The following UMAD1 variants were observed in gnomAD, a reference collection of about 807,000 sequenced individuals.
UMAD1 encodes UBAP1-MVB12-associated (UMA)-domain containing protein 1.
A neutral mutation model predicts 6.1 loss-of-function variants in UMAD1; 8 were observed. The ratio of observed to expected loss-of-function variants is 1.30; its 90% CI spans 0.76 to 2.35. UMAD1 has a LOEUF of 2.35. UMAD1 is among the 30% of genes most tolerant of loss of function. The pLI, the probability that UMAD1 is intolerant of heterozygous loss-of-function variation, is 0.00. For missense variants in UMAD1, 130 were observed against 78.4 expected (o/e 1.66, Z -2.49); for synonymous variants, 56 against 31.4 (o/e 1.78, Z -2.61).
chr7:7,656,388 A>G (rs1186095513), intron 1 of UMAD1, among the ~76,000 whole-genome samples: 3 of 150,228 alleles, frequency 2.0e-5, no homozygotes, highest in Non-Finnish European at 4.5e-5. Context: ...TCATAGGTAT[A>G]CACGTGCCAT....
At chr7:7,678,546 TA>T (rs549250265) in intron 2 of UMAD1, among the ~76,000 whole-genome samples, 214 of 138,804 alleles carry the variant, frequency 1.5e-3, no homozygotes, top group African/African-American at 5.5e-3. Flanking sequence ...AATTTATAGA[TA>T]AATATATATT....
chr7:7,694,146 T>C (rs1411900837), intron 2 of UMAD1, among the ~76,000 whole-genome samples: 1 of 152,152 alleles, frequency 6.6e-6, no homozygotes, highest in East Asian at 1.9e-4. Context: ...ATTTGAGCAT[T>C]CCAAAGAAGG....
Position 7,869,408 on chromosome 7 carries a change from T to G in UMAD1, c.157-7873T>G, listed in dbSNP as rs370483975. The stretch of plus-strand genomic sequence containing the variant: ...AGAGCTTGATATTACCTCTTCTTTT[T>G]GTAACTTGTTTTCTAGAAATATGCT... On this transcript the variant is annotated intron_variant, in intron 3 of 3. Coordinates refer to ENST00000682710, the MANE Select transcript of UMAD1 (RefSeq NM_001302348.2). Among the ~76,000 whole-genome samples, 15 of 152,356 alleles carry G rather than the reference T, an allele frequency of 9.8e-5. No homozygotes were observed. The East Asian group carries it at 2.1e-3, about 22-fold the overall frequency.
At position 7,783,715 on chromosome 7, in the gene UMAD1, G is replaced by A. The variant is rs541784520; in HGVS notation, c.83-17955G>A. Reference sequence around the variant, plus strand: ...GTCCTTAAAAGAAAGTAGAAACAAAGCACCAAAGCCAGAAACAATTACACC... The same window carrying A: ...GTCCTTAAAAGAAAGTAGAAACAAAACACCAAAGCCAGAAACAATTACACC... On this transcript the variant is annotated intron_variant, in intron 2 of 3. Coordinates refer to ENST00000682710, the MANE Select transcript of UMAD1 (RefSeq NM_001302348.2). Among the ~76,000 whole-genome samples, 6 of 152,224 alleles carry A rather than the reference G, an allele frequency of 3.9e-5. No homozygotes were observed. In the South Asian group the frequency reaches 1.2e-3, roughly 32 times the overall value.
chr7:7,816,771 T>C (rs559839964), intron 3 of UMAD1, among the ~76,000 whole-genome samples: 4 of 152,226 alleles, frequency 2.6e-5, no homozygotes, highest in Non-Finnish European at 5.9e-5. Flanking sequence ...GCTACCTTGC[T>C]TATCTGTCCT....
intron 2 of UMAD1, among the ~76,000 whole-genome samples, chr7:7,713,406 T>G (rs539909750): frequency 6.6e-6 from 1 of 152,086 alleles, no homozygotes; most frequent in African/African-American, 2.4e-5. Flanking sequence ...GAGTTTTTTT[T>G]TTTTTTAAAT....
intron 2 of UMAD1, among the ~76,000 whole-genome samples, chr7:7,732,197 C>T (rs1253416520): frequency 2.6e-5 from 4 of 151,964 alleles, no homozygotes; most frequent in Non-Finnish European, 5.9e-5. Context: ...TATTAGCCAA[C>T]TGATATGTTT....
At chr7:7,826,376 A>C (rs1003380041) in intron 3 of UMAD1, among the ~76,000 whole-genome samples, 2 of 152,140 alleles carry the variant, frequency 1.3e-5, no homozygotes, top group African/African-American at 2.4e-5. Flanking sequence ...TCTAGTATCT[A>C]GTACTAAGTC....
intron 2 of UMAD1, among the ~76,000 whole-genome samples, chr7:7,699,103 C>T (rs985660110): frequency 6.6e-6 from 1 of 151,688 alleles, no homozygotes; most frequent in African/African-American, 2.4e-5. Flanking sequence ...TCTTTGCCTG[C>T]CTTGGCTTCC....
intron 1 of UMAD1, among the ~76,000 whole-genome samples, chr7:7,648,806 T>C (rs1260012128): frequency 6.6e-6 from 1 of 151,378 alleles, no homozygotes; most frequent in East Asian, 1.9e-4. Context: ...TGAGCTAAGA[T>C]CGTGTCACTG....
chr7:7,647,000 C>T (rs1785111964), intron 1 of UMAD1, among the ~76,000 whole-genome samples: 1 of 152,154 alleles, frequency 6.6e-6, no homozygotes, highest in East Asian at 1.9e-4. Flanking sequence ...CCTTCTGCCG[C>T]TTGTCCGTAT....
intron 1 of UMAD1, among the ~76,000 whole-genome samples, chr7:7,658,651 T>C (rs1025818930): frequency 6.6e-6 from 1 of 152,160 alleles, no homozygotes; most frequent in Non-Finnish European, 1.5e-5. Context: ...TTGCATCCCA[T>C]TGATGAAGCT....
intron 3 of UMAD1, among the ~76,000 whole-genome samples, chr7:7,813,726 G>T (rs1341629771): frequency 6.6e-6 from 1 of 152,108 alleles, no homozygotes; most frequent in Admixed American, 6.5e-5. Flanking sequence ...CTGTTTATTT[G>T]TTCATCGAGA....
At chr7:7,774,744 C>G (rs1782167760) in intron 2 of UMAD1, among the ~76,000 whole-genome samples, 1 of 152,168 alleles carries the variant, frequency 6.6e-6, no homozygotes, top group South Asian at 2.1e-4. Flanking sequence ...AATTTCAACT[C>G]TTGTCATCCT....
chr7:7,712,537 T>G (rs1786788962), intron 2 of UMAD1, among the ~76,000 whole-genome samples: 1 of 152,214 alleles, frequency 6.6e-6, no homozygotes, highest in Non-Finnish European at 1.5e-5. Flanking sequence ...CTGATACTTG[T>G]AGCAACCATC....
intron 1 of UMAD1, among the ~76,000 whole-genome samples, chr7:7,659,723 A>G (rs1217333817): frequency 6.6e-6 from 1 of 152,140 alleles, no homozygotes; most frequent in Admixed American, 6.5e-5. Flanking sequence ...ACTTCCAATT[A>G]TGTGGTCAAT....
At chr7:7,809,992 T>C (rs1342130617) in intron 3 of UMAD1, among the ~76,000 whole-genome samples, 1 of 151,982 alleles carries the variant, frequency 6.6e-6, no homozygotes, top group African/African-American at 2.4e-5. Context: ...AAAAACTGGG[T>C]TTTGTGTAGA....
chr7:7,861,366 A>G lies in UMAD1; in HGVS notation c.157-15915A>G, dbSNP rs560645680. Among the ~76,000 whole-genome samples, 73 of 152,306 alleles carry G rather than the reference A, an allele frequency of 4.8e-4. 1 individual carries two copies. Among genetic ancestry groups the G allele is most frequent in the Non-Finnish European group, 2.5e-4 (17 of 68,014 alleles). ...TCCTGCCATTCTGAATGGCCACTTC[A>G]TCCTCATACTGGGGTGGAGAAAACA... On this transcript the variant is annotated intron_variant, in intron 3 of 3. Transcript: ENST00000682710.
intron 1 of UMAD1, 83 bp from the exon 2 acceptor site, chr7:7,673,226 C>A: frequency 1.2e-6 from 1 of 849,116 alleles, no homozygotes; most frequent in Non-Finnish European, 1.9e-6. Flanking sequence ...ATTGTTATAT[C>A]GTTATGCTGA....
Sources: gnomAD v4.1 joint callset for allele counts (sites outside exome capture counted in the v4.1 genomes callset) on GRCh38, gnomAD v4.1.1 for gene constraint, MANE v1.5 for transcripts, NCBI Gene and HGNC (gene_info 2026-07-23, HGNC 2026-07-21) for gene names.